Variants in TMEM117 observed in about 807,000 individuals in gnomAD.
The protein encoded by TMEM117 is transmembrane protein 117.
TMEM117 carries 27 observed loss-of-function variants against 52.4 expected under a neutral mutation model. The observed-to-expected ratio is 0.51, with a 90% CI of 0.38 to 0.71. The LOEUF (loss-of-function observed/expected upper bound fraction) is 0.71, where lower values mean the gene tolerates loss of function less well. Ranked by LOEUF, TMEM117 falls within the 30% of genes least tolerant of loss-of-function variation. The pLI, the probability that TMEM117 is intolerant of heterozygous loss-of-function variation, is 0.00. For synonymous variants in TMEM117, 215 were observed against 206.3 expected (o/e 1.04, Z -0.36); for missense variants, 556 against 630.5 (o/e 0.88, Z 1.26).
intron 3 of TMEM117, among the ~76,000 whole-genome samples, chr12:43,951,795 A>G (rs887632454): frequency 6.6e-6 from 1 of 152,164 alleles, no homozygotes; most frequent in Non-Finnish European, 1.5e-5. Flanking sequence ...CTGCTAAGGG[A>G]CAGACTGCCT....
At chr12:43,855,552 A>T (rs1475204290) in intron 2 of TMEM117, among the ~76,000 whole-genome samples, 3 of 152,246 alleles carry the variant, frequency 2.0e-5, no homozygotes, top group Admixed American at 2.0e-4. Context: ...TGTTTATATT[A>T]TGCAAATCAT....
At chr12:44,234,509 T>A (rs1949971062) in intron 5 of TMEM117, among the ~76,000 whole-genome samples, 1 of 151,402 alleles carries the variant, frequency 6.6e-6, no homozygotes, top group South Asian at 2.1e-4. Flanking sequence ...TTATTTTCTA[T>A]AGTTTTTCAA....
intron 3 of TMEM117, among the ~76,000 whole-genome samples, chr12:44,040,898 A>T (rs1469607698): frequency 1.1e-4 from 16 of 152,226 alleles, no homozygotes; most frequent in Admixed American, 1.0e-3. Flanking sequence ...TATAACGAAG[A>T]TGTTCAACAT....
chr12:44,172,930 G>A (rs1479999998), intron 4 of TMEM117, among the ~76,000 whole-genome samples: 1 of 152,122 alleles, frequency 6.6e-6, no homozygotes, highest in Non-Finnish European at 1.5e-5. Context: ...TCACCATGTT[G>A]GCCAGGCTGG....
At chr12:44,281,162 A>G (rs933255331) in intron 5 of TMEM117, among the ~76,000 whole-genome samples, 1 of 152,188 alleles carries the variant, frequency 6.6e-6, no homozygotes, top group African/African-American at 2.4e-5. Flanking sequence ...CATGAATCCT[A>G]ATATTAATTT....
the TMEM117 span, chr12:43,804,166 TGA>T: frequency 5.2e-6 from 2 of 387,136 alleles, no homozygotes; most frequent in Admixed American, 3.1e-5. Flanking sequence ...TTTTTTTTTT[TGA>T]TAATCACCTG....
At chr12:43,926,264 C>A (rs1944777413) in intron 2 of TMEM117, among the ~76,000 whole-genome samples, 1 of 152,126 alleles carries the variant, frequency 6.6e-6, no homozygotes, top group Admixed American at 6.6e-5. Flanking sequence ...ATATCCTTTC[C>A]ATTAATGGAT....
chr12:44,276,266 G>C (rs566024940), intron 5 of TMEM117, among the ~76,000 whole-genome samples: 12 of 152,054 alleles, frequency 7.9e-5, no homozygotes, highest in African/African-American at 2.7e-4. Flanking sequence ...GTGGATGAAT[G>C]GATAAGAAAA....
chr12:43,902,255 A>G (rs951977332), intron 2 of TMEM117, among the ~76,000 whole-genome samples: 2 of 152,320 alleles, frequency 1.3e-5, no homozygotes, highest in East Asian at 1.9e-4. Flanking sequence ...ACTGGGGGAA[A>G]GATTATTTCA....
intron 6 of TMEM117, among the ~76,000 whole-genome samples, chr12:44,374,936 G>C (rs569955470): frequency 6.6e-6 from 1 of 151,952 alleles, no homozygotes; most frequent in African/African-American, 2.4e-5. Context: ...AGGTATTCTG[G>C]TTATCAGTCA....
intron 5 of TMEM117, among the ~76,000 whole-genome samples, chr12:44,230,742 C>T (rs189676280): frequency 3.9e-5 from 6 of 152,132 alleles, no homozygotes; most frequent in East Asian, 1.9e-4. Flanking sequence ...TGATATTATG[C>T]GTCTTTTTTC....
chr12:44,153,944 A>G (rs1319080993), intron 4 of TMEM117, among the ~76,000 whole-genome samples: 5 of 152,074 alleles, frequency 3.3e-5, no homozygotes, highest in Non-Finnish European at 7.4e-5. Context: ...AATATTTGAT[A>G]AGAAATGATT....
chr12:43,831,467 A>G (rs1831292617), upstream of TMEM117, among the ~76,000 whole-genome samples: 2 of 151,596 alleles, frequency 1.3e-5, no homozygotes, highest in African/African-American at 2.4e-5. Context: ...TTTTTTTAAT[A>G]AAGACTGAAA....
chr12:44,241,289 A>G (rs908063287), intron 5 of TMEM117, among the ~76,000 whole-genome samples: 1 of 151,794 alleles, frequency 6.6e-6, no homozygotes, highest in Non-Finnish European at 1.5e-5. Context: ...GAGCCTGCAC[A>G]TAAGAAGGGC....
chr12:44,137,147 T>C (rs538285121), intron 3 of TMEM117, among the ~76,000 whole-genome samples: 3 of 151,656 alleles, frequency 2.0e-5, no homozygotes, highest in Admixed American at 6.6e-5. Flanking sequence ...AAGCAAATCT[T>C]ATGGGAGAGA....
At chr12:44,141,650 T>G (rs1001276466) in intron 3 of TMEM117, among the ~76,000 whole-genome samples, 4 of 152,108 alleles carry the variant, frequency 2.6e-5, no homozygotes, top group African/African-American at 9.7e-5. Flanking sequence ...GTTCTTCAAA[T>G]TAGGTATCAT....
At chr12:43,840,029 C>A (rs1357885000) in intron 1 of TMEM117, among the ~76,000 whole-genome samples, 1 of 152,200 alleles carries the variant, frequency 6.6e-6, no homozygotes, top group Non-Finnish European at 1.5e-5. Context: ...ATCTCTACAT[C>A]AGCCCCAGGC....
rs774884869 is a variant in TMEM117, at chr12:44,145,690, A to G, written c.510+2066A>G. Among the ~76,000 whole-genome samples the G allele has an allele frequency of 4.1e-4, 62 of 152,202 alleles. 1 individual carries two copies. The highest frequency in any genetic ancestry group is 7.3e-4 in the Non-Finnish European group (50 of 68,036). On this transcript the variant is annotated intron_variant, in intron 4 of 7. Transcript: ENST00000266534. ...CTTCCTGAGCCCCATAAGTGTGAGC[A>G]GCCCACCTTATCCCAGGCCTGGGGT...
At chr12:44,142,355 G>A (rs1454803286) in intron 3 of TMEM117, among the ~76,000 whole-genome samples, 1 of 152,118 alleles carries the variant, frequency 6.6e-6, no homozygotes, top group African/African-American at 2.4e-5. Flanking sequence ...GGTGAATGAA[G>A]TCTGTTGAAA....
Sources: gnomAD v4.1 joint callset for allele counts (sites outside exome capture counted in the v4.1 genomes callset) on GRCh38, gnomAD v4.1.1 for gene constraint, MANE v1.5 for transcripts, NCBI Gene and HGNC (gene_info 2026-07-23, HGNC 2026-07-21) for gene names.